MAPKAP1: variants seen among roughly 807,000 people sequenced by gnomAD.
MAPKAP1 encodes MAPK associated protein 1, also known as target of rapamycin complex 2 subunit MAPKAP1.
Under a neutral mutation model 65.7 loss-of-function variants are expected in MAPKAP1, and 20 were observed. The observed-to-expected ratio is 0.30, with a 90% CI of 0.21 to 0.44. MAPKAP1 has a LOEUF of 0.44. Among genes scored for constraint, MAPKAP1 ranks in the 20% least tolerant of loss-of-function variants. The pLI is 1.00. For synonymous variants in MAPKAP1, 222 were observed against 244.3 expected (o/e 0.91, Z 0.85); for missense variants, 423 against 648.0 (o/e 0.65, Z 3.77).
chr9:125,560,682 C>G (rs1157355940), intron 5 of MAPKAP1, among the ~76,000 whole-genome samples: 2 of 152,246 alleles, frequency 1.3e-5, no homozygotes, highest in Non-Finnish European at 2.9e-5. Flanking sequence ...TCTCCCTTCT[C>G]TAAAGAGTAT....
chr9:125,689,416 CAG>C (rs1835091616), intron 1 of MAPKAP1, among the ~76,000 whole-genome samples: 1 of 109,568 alleles, frequency 9.1e-6, no homozygotes, highest in African/African-American at 3.7e-5. Flanking sequence ...GCCTGGGCGA[CAG>C]AGTGAGACTC....
At position 125,700,279 on chromosome 9, in the gene MAPKAP1, T is replaced by A. The variant is rs534229195; in HGVS notation, c.-70+6692A>T. On this transcript the variant is annotated intron_variant, in intron 1 of 11. Transcript: ENST00000265960. The stretch of plus-strand genomic sequence containing the variant: ...TCTACCAATTTCTCTGCTGAAATGG[T>A]ACTTATTTATAACACAGTACCTTAA... Among the ~76,000 whole-genome samples, 106 of 152,334 alleles carry A rather than the reference T, an allele frequency of 7.0e-4. 1 individual carries two copies. In the South Asian group the frequency reaches 0.02, roughly 28 times the overall value.
At chr9:125,636,029 G>C (rs1239924244) in intron 4 of MAPKAP1, among the ~76,000 whole-genome samples, 1 of 152,180 alleles carries the variant, frequency 6.6e-6, no homozygotes, top group African/African-American at 2.4e-5. Context: ...AGCTGCGGCT[G>C]GTGTAATGGG....
chr9:125,536,339 T>C lies in MAPKAP1; in HGVS notation c.958+6720A>G, dbSNP rs142812046. Among the ~76,000 whole-genome samples the C allele has an allele frequency of 1.3e-3, 195 of 152,342 alleles. 1 individual carries two copies. In the East Asian group the frequency reaches 0.013, roughly 10 times the overall value. On this transcript the variant is annotated intron_variant, in intron 7 of 11. Coordinates refer to ENST00000265960, the MANE Select transcript of MAPKAP1 (RefSeq NM_001006617.3). Reference sequence around the variant, plus strand: ...CAGAGAAAGGAGGCAGGCAGGAATATTGAAGTCGGAGCTCCTTGCCCGGGG... The same window carrying C: ...CAGAGAAAGGAGGCAGGCAGGAATACTGAAGTCGGAGCTCCTTGCCCGGGG...
intron 1 of MAPKAP1, among the ~76,000 whole-genome samples, chr9:125,679,005 T>G (rs1588066828): frequency 1.3e-3 from 1 of 766 alleles, no homozygotes; most frequent in Non-Finnish European, 0.12. Flanking sequence ...ATAAACACAA[T>G]TTTTTTTTTT....
At chr9:125,585,951 A>G (rs935684181) in intron 4 of MAPKAP1, among the ~76,000 whole-genome samples, 9 of 152,172 alleles carry the variant, frequency 5.9e-5, no homozygotes, top group African/African-American at 2.2e-4. Context: ...GCCAGCAGGA[A>G]GGTAAATGGG....
chr9:125,480,975 GAAAAAAA>G (rs536367888), intron 9 of MAPKAP1, among the ~76,000 whole-genome samples: 7 of 108,718 alleles, frequency 6.4e-5, no homozygotes, highest in South Asian at 3.1e-4. Context: ...CCGTTTCGGG[GAAAAAAA>G]AAAAAAAAAA....
intron 4 of MAPKAP1, among the ~76,000 whole-genome samples, chr9:125,624,400 A>C (rs71481305): frequency 0.88 from 44,867 of 51,146 alleles, 20,054 homozygotes; most frequent in East Asian, 1. Flanking sequence ...GTCGGCCCCC[A>C]TCCCGGCCAG....
chr9:125,599,175 G>A (rs948751699), intron 4 of MAPKAP1, among the ~76,000 whole-genome samples: 4 of 151,522 alleles, frequency 2.6e-5, no homozygotes. Flanking sequence ...AAAAAATATT[G>A]CTGTTCATAG....
rs117916773 is a variant in MAPKAP1 at position 125,660,771 on chromosome 9, G to A, written c.350-2972C>T. 1.2e-4 allele frequency among the ~76,000 whole-genome samples: 18 copies of A among 152,280 alleles called. No homozygotes were observed. In the East Asian group the frequency reaches 2.9e-3, roughly 24 times the overall value. On this transcript the variant is annotated intron_variant, in intron 3 of 11. Coordinates refer to ENST00000265960, the MANE Select transcript of MAPKAP1 (RefSeq NM_001006617.3). ...CAGAACCGTGGCAACCGCTAGCAAC[G>A]CTGTGTTATCATCACCTTAAAACCC...
At chr9:125,567,015 T>C (rs1831076611) in intron 5 of MAPKAP1, among the ~76,000 whole-genome samples, 1 of 152,180 alleles carries the variant, frequency 6.6e-6, no homozygotes, top group South Asian at 2.1e-4. Context: ...TGCTAGCTAT[T>C]TCAGTGAAGA....
chr9:125,448,784 C>T, intron 10 of MAPKAP1, among the ~76,000 whole-genome samples: 1 of 152,138 alleles, frequency 6.6e-6, no homozygotes, highest in Admixed American at 6.5e-5. Context: ...GTGGATGGAT[C>T]ACCCGAGGTT....
intron 4 of MAPKAP1, among the ~76,000 whole-genome samples, chr9:125,589,287 A>G (rs1831882587): frequency 1.3e-5 from 2 of 152,120 alleles, no homozygotes; most frequent in South Asian, 4.1e-4. Context: ...AATTGAGATG[A>G]TTTATTTATG....
intron 4 of MAPKAP1, among the ~76,000 whole-genome samples, chr9:125,603,933 T>G (rs189856980): frequency 4.6e-4 from 70 of 151,766 alleles, no homozygotes; most frequent in African/African-American, 1.7e-3. Context: ...AGAAACATTT[T>G]ATTTTTTTTA....
At chr9:125,602,991 C>T (rs534780966) in intron 4 of MAPKAP1, among the ~76,000 whole-genome samples, 2 of 152,258 alleles carry the variant, frequency 1.3e-5, no homozygotes, top group African/African-American at 4.8e-5. Context: ...ACCTCCTAAA[C>T]TCAGGCAATC....
At chr9:125,505,966 T>C (rs967282150) in intron 8 of MAPKAP1, 7 of 291,694 alleles carry the variant, frequency 2.4e-5, no homozygotes, top group African/African-American at 1.5e-4. Context: ...GTCTGAATAG[T>C]GATACTGACA....
At chr9:125,514,858 T>A (rs1180200732) in intron 7 of MAPKAP1, among the ~76,000 whole-genome samples, 1 of 152,134 alleles carries the variant, frequency 6.6e-6, no homozygotes, top group Non-Finnish European at 1.5e-5. Flanking sequence ...TGAATCTGCG[T>A]TCCTCACTGA....
intron 1 of MAPKAP1, among the ~76,000 whole-genome samples, chr9:125,680,219 A>G (rs1834781711): frequency 2.0e-5 from 3 of 152,096 alleles, no homozygotes; most frequent in African/African-American, 7.2e-5. Context: ...ATTTTCCACA[A>G]CAAGGAATGA....
intron 5 of MAPKAP1, among the ~76,000 whole-genome samples, chr9:125,566,218 T>C (rs1378127787): frequency 6.6e-6 from 1 of 152,154 alleles, no homozygotes; most frequent in Non-Finnish European, 1.5e-5. Flanking sequence ...GACTGAGGAA[T>C]ACAAGCCCAT....
Sources: allele counts gnomAD v4.1 joint callset (sites outside exome capture counted in the v4.1 genomes callset), GRCh38; gene constraint gnomAD v4.1.1; transcripts MANE v1.5; gene names NCBI Gene and HGNC (gene_info 2026-07-23, HGNC 2026-07-21).